Variants in EFCAB6 observed in about 807,000 individuals in gnomAD.
EFCAB6 encodes the protein EF-hand calcium binding domain 6.
EFCAB6 carries 156 observed loss-of-function variants against 169.8 expected under a neutral mutation model. The observed-to-expected ratio is 0.92, with a 90% CI of 0.81 to 1.05. The LOEUF (loss-of-function observed/expected upper bound fraction) is 1.05, where lower values mean the gene tolerates loss of function less well. Among genes scored for constraint, EFCAB6 ranks in the 50% least tolerant of loss-of-function variants. The pLI is 0.00. For synonymous variants in EFCAB6, 698 were observed against 676.4 expected (o/e 1.03, Z -0.50); for missense variants, 1,800 against 1,829.1 (o/e 0.98, Z 0.29).
intron 10 of EFCAB6, among the ~76,000 whole-genome samples, chr22:43,711,205 T>C (rs2059147598): frequency 1.3e-5 from 2 of 152,192 alleles, no homozygotes; most frequent in Admixed American, 1.3e-4. Context: ...GAGGGAAATA[T>C]GCTATCTGGT....
intron 21 of EFCAB6, among the ~76,000 whole-genome samples, chr22:43,610,391 A>T (rs925011571): frequency 6.6e-6 from 1 of 152,224 alleles, no homozygotes; most frequent in Non-Finnish European, 1.5e-5. Flanking sequence ...TTCACAATCA[A>T]GGAAACCTGA....
intron 4 of EFCAB6, among the ~76,000 whole-genome samples, chr22:43,769,001 C>A (rs2147949900): frequency 6.6e-6 from 1 of 152,192 alleles, no homozygotes; most frequent in South Asian, 2.1e-4. Flanking sequence ...AGGTATGTAC[C>A]CAAGAGAACT....
chr22:43,812,229 C>G lies in EFCAB6; in HGVS notation c.-206G>C, dbSNP rs1321992031. ...GGCACCCGCGTGCGCGGACCCCAAG[C>G]CGCGGGGTCTCAGAGGGGCTGCCCA... On this transcript the variant is annotated 5_prime_UTR_variant, in exon 1 of 32. Coordinates refer to ENST00000262726, the MANE Select transcript of EFCAB6 (RefSeq NM_022785.4). 2 of 152,316 alleles carry G rather than the reference C, an allele frequency of 1.3e-5. No homozygotes were observed. Among genetic ancestry groups the G allele is most frequent in the East Asian group, 1.9e-4 (1 of 5,184 alleles). 9.4% of individuals were successfully genotyped at this position (152,316 alleles called of 1,614,324 possible).
At chr22:43,575,358 GTTTT>G (rs34543550) in intron 26 of EFCAB6, among the ~76,000 whole-genome samples, 4 of 104,812 alleles carry the variant, frequency 3.8e-5, no homozygotes, top group African/African-American at 7.7e-5. Flanking sequence ...ATCCGGCTAT[GTTTT>G]TTTTTTTTTT....
At chr22:43,691,865 A>T (rs1422886711) in intron 10 of EFCAB6, among the ~76,000 whole-genome samples, 1 of 152,212 alleles carries the variant, frequency 6.6e-6, no homozygotes, top group East Asian at 1.9e-4. Context: ...TGACCAGAGC[A>T]GGCAAAGTCT....
chr22:43,586,070 A>C (rs1378125581), intron 24 of EFCAB6, among the ~76,000 whole-genome samples: 1 of 152,216 alleles, frequency 6.6e-6, no homozygotes, highest in Non-Finnish European at 1.5e-5. Context: ...CAAGAAAAGA[A>C]GGGTGTCGGA....
At chr22:43,696,436 A>T (rs2058578592) in intron 10 of EFCAB6, among the ~76,000 whole-genome samples, 1 of 152,216 alleles carries the variant, frequency 6.6e-6, no homozygotes, top group Non-Finnish European at 1.5e-5. Flanking sequence ...CACCAATTTT[A>T]CTATTAGACA....
intron 15 of EFCAB6, among the ~76,000 whole-genome samples, chr22:43,669,372 A>G (rs566201776): frequency 6.6e-6 from 1 of 152,406 alleles, no homozygotes; most frequent in East Asian, 1.9e-4. Flanking sequence ...TCAATGGAAT[A>G]CTACTCAGCA....
At chr22:43,759,319 A>G (rs1569474987) in intron 5 of EFCAB6, 1 of 152,168 alleles carries the variant, frequency 6.6e-6, no homozygotes, top group Non-Finnish European at 1.5e-5. Flanking sequence ...TCTTTAGGAG[A>G]TTTTTCTTCA....
At chr22:43,748,463 C>A (rs538909239) in intron 6 of EFCAB6, among the ~76,000 whole-genome samples, 4 of 152,258 alleles carry the variant, frequency 2.6e-5, no homozygotes, top group African/African-American at 9.6e-5. Context: ...CTGAAAACTA[C>A]CCCACATCTC....
At chr22:43,727,478 T>C (rs1365416006) in intron 8 of EFCAB6, among the ~76,000 whole-genome samples, 1 of 152,094 alleles carries the variant, frequency 6.6e-6, no homozygotes, top group Non-Finnish European at 1.5e-5. Context: ...AATTGTAAAA[T>C]AACAGTGTTT....
intron 10 of EFCAB6, among the ~76,000 whole-genome samples, chr22:43,701,511 A>C (rs1466219707): frequency 2.0e-5 from 3 of 152,210 alleles, no homozygotes. Context: ...CCCATGTACA[A>C]CAGAAATTTA....
rs2061974526 is a variant in EFCAB6, at chr22:43,784,589, A to ATGTATATATATACACATATATATG, written c.-7-2265_-7-2264insCATATATATGTGTATATATATACA. ...TATATGTGTACATATACACATATAT[A>ATGTATATATATACACATATATATG]TGTATATATACACATATATATGTGT... On this transcript the variant is annotated intron_variant, in intron 2 of 31. Coordinates refer to ENST00000262726, the MANE Select transcript of EFCAB6 (RefSeq NM_022785.4). 1.5e-4 allele frequency among the ~76,000 whole-genome samples: 6 copies of ATGTATATATATACACATATATATG among 40,210 alleles called. 1 individual carries two copies. Among genetic ancestry groups the ATGTATATATATACACATATATATG allele is most frequent in the Non-Finnish European group, 3.3e-4 (6 of 18,052 alleles). 26.4% of individuals were successfully genotyped at this position (40,210 alleles called of 152,430 possible). A position where few individuals can be genotyped will look rare whatever the true frequency, so the allele number is the denominator to read the frequency against.
At chr22:43,608,716 TCCTTAATCA>T (rs902574505) in intron 21 of EFCAB6, 116 bp from the exon 22 acceptor site, 2 of 891,404 alleles carry the variant, frequency 2.2e-6, no homozygotes, top group African/African-American at 3.3e-5. Context: ...CCCATCCACC[TCCTTAATCA>T]CCTTTTAATC....
rs117365368 is a variant in EFCAB6, at chr22:43,723,002, T to C, written c.758-6030A>G. 3.9e-5 allele frequency among the ~76,000 whole-genome samples: 6 copies of C among 152,266 alleles called. No individual in the cohort carries two copies. In the South Asian group the frequency reaches 1.0e-3, roughly 26 times the overall value. On this transcript the variant is annotated intron_variant, in intron 8 of 31. Coordinates refer to ENST00000262726, the MANE Select transcript of EFCAB6 (RefSeq NM_022785.4). ...CTCTCTTATAAGTGGGAGGTAAACA[T>C]TGAACGAAGTTTATTCCAACCCTAA...
At chr22:43,655,933 G>A (rs1006638284) in intron 17 of EFCAB6, among the ~76,000 whole-genome samples, 8 of 152,146 alleles carry the variant, frequency 5.3e-5, no homozygotes, top group African/African-American at 1.9e-4. Flanking sequence ...ACAATTCATG[G>A]GAAGTTTTAA....
chr22:43,531,452 T>G (rs1311958137), intron 30 of EFCAB6, among the ~76,000 whole-genome samples: 2 of 152,182 alleles, frequency 1.3e-5, no homozygotes, highest in Non-Finnish European at 2.9e-5. Flanking sequence ...TAAAAAAAAT[T>G]CACAAGGTTG....
rs368921415 is a variant in EFCAB6, at chr22:43,615,981, C to T, written c.2466-59G>A. The T allele has an allele frequency of 8.4e-6, 12 of 1,421,732 alleles. No individual in the cohort carries two copies. In the South Asian group the frequency reaches 1.4e-4, roughly 16 times the overall value. The allele number at this position is 1,421,732 out of a possible 1,614,324, so 88.1% of individuals were successfully genotyped here. ...TAAATTTAATGGGCTCATTAATCTC[C>T]CAAGGGGTTTCCCTATCCCCCCTGT... is the stretch of plus-strand genomic sequence containing the variant. On this transcript the variant is annotated intron_variant, in intron 20 of 31. Transcript: ENST00000262726.
At chr22:43,635,024 C>T (rs953817001) in intron 18 of EFCAB6, 78 bp downstream of exon 18, 56 of 1,165,222 alleles carry the variant, frequency 4.8e-5, no homozygotes, top group South Asian at 4.4e-4. Flanking sequence ...ACCCGAGTGG[C>T]CTGGTGGCAC....
Sources: gnomAD v4.1 joint callset for allele counts (sites outside exome capture counted in the v4.1 genomes callset) on GRCh38, gnomAD v4.1.1 for gene constraint, MANE v1.5 for transcripts, NCBI Gene and HGNC (gene_info 2026-07-23, HGNC 2026-07-21) for gene names.